Variants in SYPL2 observed in about 807,000 individuals in gnomAD.
SYPL2 encodes the protein synaptophysin-like protein 2.
SYPL2 carries 24 observed loss-of-function variants against 31.3 expected under a neutral mutation model. The ratio of observed to expected loss-of-function variants is 0.77; its 90% CI spans 0.56 to 1.08. The LOEUF is 1.08. Among genes scored for constraint, SYPL2 ranks in the 50% least tolerant of loss-of-function variants. The pLI is 0.00. For missense variants in SYPL2, 342 were observed against 360.1 expected (o/e 0.95, Z 0.41); for synonymous variants, 144 against 143.1 (o/e 1.01, Z -0.05).
rs1257952857 is a variant in SYPL2 at position 109,475,602 on chromosome 1, G to A, written c.151G>A (p.Gly51Arg). 7 of 1,613,908 alleles carry A rather than the reference G, an allele frequency of 4.3e-6. No individual in the cohort carries two copies. Among genetic ancestry groups the A allele is most frequent in the East Asian group, 4.5e-5 (2 of 44,870 alleles). The change falls in exon 3 of 6, where the codon GGG (glycine) becomes AGG (arginine). Residue 51 changes from glycine (G) to arginine (R), a missense_variant. By Grantham distance (125) the Gly-to-Arg change is moderately radical. Transcript: ENST00000369872. ...TCAGCTCTTTGCTATTTTCGCCTTC[G>A]GGTCCTGTGGCTCCTACAGCGGGGA... ...LQWLFAIFAF[G>R]SCGSYSGETG...
intron 4 of SYPL2, 92 bp from the exon 5 acceptor site, chr1:109,477,726 C>T (rs1656043387): frequency 1.3e-6 from 2 of 1,518,058 alleles, no homozygotes; most frequent in Non-Finnish European, 1.8e-6. Flanking sequence ...GTCCTGGCAC[C>T]CTGGGATTGC....
chr1:109,467,127 C>G lies in SYPL2; in HGVS notation c.123C>G (p.Leu41=). 6.5e-7 allele frequency: 1 copy of G among 1,542,964 alleles called. No homozygotes were observed. ...AGCCGCTGGGCTTCATCAAAGTTCT[C>G]CAGTGGGTGAGTCGCTGCCCCGGCC... The part of the protein sequence containing the change: ...LEEPLGFIKV[L]QWLFAIFAFG... Residue 41 remains leucine (L), a synonymous_variant, in exon 2 of 6, where the codon CTC becomes CTG. Transcript: ENST00000369872.
Position 109,466,627 on chromosome 1 carries a change from G to A in SYPL2, c.-217G>A. Reference sequence around the variant, plus strand: ...CTTTCTGCTGCCGGCGGGGCACCGCGGCGGCCGCAGCCTCTGAGAGCACGA... The same window carrying A: ...CTTTCTGCTGCCGGCGGGGCACCGCAGCGGCCGCAGCCTCTGAGAGCACGA... On this transcript the variant is annotated 5_prime_UTR_variant, in exon 1 of 6. Transcript: ENST00000369872. 1 of 414,052 alleles carries A rather than the reference G, an allele frequency of 2.4e-6. No individual in the cohort carries two copies. Among genetic ancestry groups the A allele is most frequent in the Non-Finnish European group, 4.2e-6 (1 of 240,186 alleles). The allele number at this position is 414,052 out of a possible 1,614,324, so 25.6% of individuals were successfully genotyped here. A position where few individuals can be genotyped will look rare whatever the true frequency, so the allele number is the denominator to read the frequency against.
intron 2 of SYPL2, among the ~76,000 whole-genome samples, chr1:109,471,969 GT>G (rs1655849194): frequency 1.3e-5 from 2 of 151,614 alleles, no homozygotes. Context: ...TTCCCAAAGT[GT>G]TGGGATTACA....
Position 109,466,775 on chromosome 1 carries a change from C to A in SYPL2, c.-69C>A, listed in dbSNP as rs1026861314. On this transcript the variant is annotated 5_prime_UTR_variant, in exon 1 of 6. Transcript: ENST00000369872. ...CCGGACCTGCAGCTCCCCGCTCCCC[C>A]GCCGTGTCCGCCGCCTCCCGGCCAG... 2.1e-6 allele frequency: 3 copies of A among 1,445,266 alleles called. No individual in the cohort carries two copies. The highest frequency in any genetic ancestry group is 5.2e-5 in the Admixed American group (2 of 38,168). 89.5% of individuals were successfully genotyped at this position (1,445,266 alleles called of 1,614,324 possible).
rs186126194 is a variant in SYPL2 at position 109,478,692 on chromosome 1, C to A, written c.648+683C>A. Reference sequence around the variant, plus strand: ...TGGAACCCTGCTTATGGTTCCCCCCCAAAAAAATTTTATTGTAGAAATGTT... The same window carrying A: ...TGGAACCCTGCTTATGGTTCCCCCCAAAAAAAATTTTATTGTAGAAATGTT... On this transcript the variant is annotated intron_variant, in intron 5 of 5. Coordinates refer to ENST00000369872, the MANE Select transcript of SYPL2 (RefSeq NM_001040709.2). This position sits in a 1 kb window ranked among gnomAD's most constrained non-coding sequence, Gnocchi z 4.0. Among the ~76,000 whole-genome samples the A allele has an allele frequency of 1.1e-3, 162 of 152,162 alleles. No homozygotes were observed. Among genetic ancestry groups the A allele is most frequent in the African/African-American group, 3.6e-3 (148 of 41,516 alleles).
chr1:109,475,421 G>T, intron 2 of SYPL2, 160 bp from the exon 3 acceptor site: 1 of 974,372 alleles, frequency 1.0e-6, no homozygotes. Flanking sequence ...AAGATAAATG[G>T]AAGCCATGGG....
intron 2 of SYPL2, among the ~76,000 whole-genome samples, chr1:109,469,980 AT>A (rs1308922764): frequency 2.0e-5 from 3 of 151,668 alleles, no homozygotes; most frequent in Non-Finnish European, 4.4e-5. Context: ...TAAATATCAA[AT>A]CTTTTTTTTT....
intron 2 of SYPL2, among the ~76,000 whole-genome samples, chr1:109,468,618 A>G (rs931963073): frequency 1.3e-5 from 2 of 152,236 alleles, no homozygotes; most frequent in African/African-American, 4.8e-5. Context: ...CAGAACTGGA[A>G]GAGCCATTAT....
At chr1:109,477,682 T>G in intron 4 of SYPL2, 136 bp from the exon 5 acceptor site, 3 of 1,278,790 alleles carry the variant, frequency 2.3e-6, no homozygotes, top group Non-Finnish European at 3.2e-6. Context: ...ACCACCTGGG[T>G]TCTAGGTGTT....
chr1:109,471,025 CTCAA>C (rs1356890035), intron 2 of SYPL2, among the ~76,000 whole-genome samples: 7 of 152,186 alleles, frequency 4.6e-5, no homozygotes, highest in Admixed American at 3.3e-4. Context: ...AAGGTAGATG[CTCAA>C]TCAGTGTTGA....
intron 1 of SYPL2, 28 bp downstream of exon 1, chr1:109,466,925 C>G: frequency 6.5e-7 from 1 of 1,532,324 alleles, no homozygotes. Context: ...AGGACTCTCA[C>G]CCGCCCCTCT....
intron 2 of SYPL2, among the ~76,000 whole-genome samples, chr1:109,470,334 G>C (rs916166306): frequency 6.6e-6 from 1 of 152,168 alleles, no homozygotes; most frequent in Non-Finnish European, 1.5e-5. Flanking sequence ...GTAGGACCTG[G>C]GGAGAGAATT....
rs753507681 is a variant in SYPL2 at position 109,477,971 on chromosome 1, G to C, written c.610G>C (p.Gly204Arg). 1.2e-6 allele frequency: 2 copies of C among 1,614,194 alleles called. No individual in the cohort carries two copies. Among genetic ancestry groups the C allele is most frequent in the Admixed American group, 1.7e-5 (1 of 60,032 alleles). The stretch of plus-strand genomic sequence containing the variant: ...TGGAGAGGAAGCAGTGTGCAGTGCC[G>C]GGGCCACGCCCTCTATGGGCCTGGC... ...CHGEEAVCSA[G>R]ATPSMGLANI... Residue 204 changes from glycine (G) to arginine (R), a missense_variant, in exon 5 of 6, where the codon GGG (glycine) becomes CGG (arginine). Coordinates refer to ENST00000369872, the MANE Select transcript of SYPL2 (RefSeq NM_001040709.2).
At chr1:109,472,855 A>G (rs1390330840) in intron 2 of SYPL2, among the ~76,000 whole-genome samples, 1 of 151,960 alleles carries the variant, frequency 6.6e-6, no homozygotes, top group Non-Finnish European at 1.5e-5. Context: ...TCCTGGGCTC[A>G]AGCCATTCTC....
Position 109,478,980 on chromosome 1 carries a change from G to C in SYPL2, c.649-398G>C, listed in dbSNP as rs1431237766. Among the ~76,000 whole-genome samples the C allele has an allele frequency of 6.6e-6, 1 of 152,240 alleles. No homozygotes were observed. The highest frequency in any genetic ancestry group is 2.4e-5 in the African/African-American group (1 of 41,466). On this transcript the variant is annotated intron_variant, in intron 5 of 5. Coordinates refer to ENST00000369872, the MANE Select transcript of SYPL2 (RefSeq NM_001040709.2). This position sits in a 1 kb window ranked among gnomAD's most constrained non-coding sequence, Gnocchi z 4.0. ...CCCTGGCTAGGTGCCTGATCACAGG[G>C]AAGGAGCACCTTGGACAGCTCCTGC...
rs1378153165 is a variant in SYPL2 at position 109,481,387 on chromosome 1, C to T, written c.*1839C>T. 1 of 152,622 alleles carries T rather than the reference C, an allele frequency of 6.6e-6. No individual in the cohort carries two copies. Among genetic ancestry groups the T allele is most frequent in the African/African-American group, 2.4e-5 (1 of 41,436 alleles). 9.5% of individuals were successfully genotyped at this position (152,622 alleles called of 1,614,324 possible). On this transcript the variant is annotated 3_prime_UTR_variant, in exon 6 of 6. Transcript: ENST00000369872. ...GGACAAGGGGGGACAGTTTTGCCTA[C>T]AGCTCCAGAGACACAGAGAACAAAG... is the stretch of plus-strand genomic sequence containing the variant.
chr1:109,471,782 C>G (rs977251765), intron 2 of SYPL2, among the ~76,000 whole-genome samples: 7 of 152,084 alleles, frequency 4.6e-5, no homozygotes, highest in Non-Finnish European at 1.5e-5. Flanking sequence ...GTGGCGTGAT[C>G]ATAGCTCATT....
chr1:109,478,044 GC>G lies in SYPL2; in HGVS notation c.648+38del. The G allele has an allele frequency of 6.2e-7, 1 of 1,610,378 alleles. No homozygotes were observed. The highest frequency in any genetic ancestry group is 8.5e-7 in the Non-Finnish European group (1 of 1,178,976). On this transcript the variant is annotated intron_variant, in intron 5 of 5. Coordinates refer to ENST00000369872, the MANE Select transcript of SYPL2 (RefSeq NM_001040709.2). The surrounding 1 kb of genome is among the most constrained non-coding windows in gnomAD (Gnocchi z 4.0). ...GTGGCCACTGCAGGAAGCAGCACCAGCCCTGCTGCCCAGGCCTGTCCCAGCT... is the reference window on the plus strand; with the variant it reads ...GTGGCCACTGCAGGAAGCAGCACCAGCCTGCTGCCCAGGCCTGTCCCAGCT...
Sources: gnomAD v4.1 joint callset for allele counts (sites outside exome capture counted in the v4.1 genomes callset) on GRCh38, gnomAD v4.1.1 for gene constraint, Gnocchi (gnomAD v3.1) non-coding constraint, MANE v1.5 for transcripts, NCBI Gene and HGNC (gene_info 2026-07-23, HGNC 2026-07-21) for gene names.